The following EYS variants were observed in gnomAD, a reference collection of about 807,000 sequenced individuals.
The protein encoded by EYS is protein eyes shut homolog.
A neutral mutation model predicts 282.1 loss-of-function variants in EYS; 250 were observed. The observed-to-expected ratio is 0.89, with a 90% CI of 0.80 to 0.98. EYS has a LOEUF of 0.98. Among genes scored for constraint, EYS ranks in the 50% least tolerant of loss-of-function variants. EYS has a pLI of 0.00. For missense variants in EYS, 4,016 were observed against 3,709.0 expected (o/e 1.08, Z -2.15); for synonymous variants, 1,355 against 1,282.9 (o/e 1.06, Z -1.20).
At chr6:64,760,250 C>T (rs1403970702) in intron 22 of EYS, among the ~76,000 whole-genome samples, 2 of 152,088 alleles carry the variant, frequency 1.3e-5, no homozygotes, top group East Asian at 1.9e-4. Flanking sequence ...TAAAGCTTCT[C>T]CTCTCTTTGA....
rs189916118 is a variant in EYS at position 65,346,181 on chromosome 6, C to A, written c.1460-2004G>T. On this transcript the variant is annotated intron_variant, in intron 9 of 42. Coordinates refer to ENST00000503581, the MANE Select transcript of EYS (RefSeq NM_001142800.2). ...TGCAACCCTGTCATAGAGCTCCAGT[C>A]ATCATGGCCCATCCTTGTATGGTCA... Among the ~76,000 whole-genome samples the A allele has an allele frequency of 1.6e-3, 247 of 151,878 alleles. 1 individual carries two copies. Among genetic ancestry groups the A allele is most frequent in the African/African-American group, 5.7e-3 (237 of 41,494 alleles).
At chr6:65,658,805 A>C (rs1767908791) in intron 1 of EYS, among the ~76,000 whole-genome samples, 1 of 151,704 alleles carries the variant, frequency 6.6e-6, no homozygotes, top group Non-Finnish European at 1.5e-5. Flanking sequence ...CCCAACTCTA[A>C]GCACACTGGC....
At chr6:65,538,394 A>T (rs9363387) in intron 2 of EYS, among the ~76,000 whole-genome samples, 1 of 152,012 alleles carries the variant, frequency 6.6e-6, no homozygotes, top group East Asian at 1.9e-4. Context: ...TTATGCACAG[A>T]AAAAGATGGT....
At chr6:64,966,514 A>G (rs1770100469) in intron 14 of EYS, among the ~76,000 whole-genome samples, 3 of 152,196 alleles carry the variant, frequency 2.0e-5, no homozygotes, top group Admixed American at 2.0e-4. Flanking sequence ...TGTGAGGACG[A>G]AAACAGGTTA....
chr6:64,367,284 A>G (rs1213654693), intron 29 of EYS, among the ~76,000 whole-genome samples: 1 of 152,030 alleles, frequency 6.6e-6, no homozygotes, highest in Non-Finnish European at 1.5e-5. Flanking sequence ...CCCAAAATAG[A>G]AAGAAATGTG....
intron 13 of EYS, among the ~76,000 whole-genome samples, chr6:65,038,509 C>A (rs1772836420): frequency 6.6e-6 from 1 of 151,274 alleles, no homozygotes; most frequent in Non-Finnish European, 1.5e-5. Flanking sequence ...GTTTCCAAAT[C>A]TGGGTTACAA....
At chr6:63,982,207 T>C (rs1767132201) in intron 35 of EYS, among the ~76,000 whole-genome samples, 1 of 151,820 alleles carries the variant, frequency 6.6e-6, no homozygotes, top group Non-Finnish European at 1.5e-5. Flanking sequence ...TGAGAGTGTG[T>C]TAGTTTTCTA....
intron 5 of EYS, among the ~76,000 whole-genome samples, chr6:65,424,345 T>C (rs759929922): frequency 6.6e-6 from 1 of 152,068 alleles, no homozygotes; most frequent in Non-Finnish European, 1.5e-5. Flanking sequence ...TTATTTTCTT[T>C]AGTCTTACTC....
chr6:64,870,919 T>A (rs1766575704), intron 19 of EYS, among the ~76,000 whole-genome samples: 1 of 151,780 alleles, frequency 6.6e-6, no homozygotes, highest in African/African-American at 2.4e-5. Context: ...TGAAGAAAAG[T>A]GACCAAAGCC....
At chr6:65,150,886 T>C (rs1162766256) in intron 12 of EYS, among the ~76,000 whole-genome samples, 2 of 152,034 alleles carry the variant, frequency 1.3e-5, no homozygotes, top group Non-Finnish European at 2.9e-5. Flanking sequence ...TTGGTGTTCC[T>C]CTTTGTTTAG....
rs146114419 is a variant in EYS at position 64,178,538 on chromosome 6, A to G, written c.6424+52054T>C. Among the ~76,000 whole-genome samples the G allele has an allele frequency of 1.9e-4, 29 of 152,188 alleles. No individual in the cohort carries two copies. The East Asian group carries it at 5.6e-3, about 29-fold the overall frequency. On this transcript the variant is annotated intron_variant, in intron 31 of 42. Coordinates refer to ENST00000503581, the MANE Select transcript of EYS (RefSeq NM_001142800.2). ...TACATGCTTAACTCTACAGATGGAA[A>G]AGCGGGGGATGATAGACTTTAGCAC... is the stretch of plus-strand genomic sequence containing the variant.
At chr6:63,937,345 CTTTTTT>C (rs778809745) in intron 35 of EYS, among the ~76,000 whole-genome samples, 2 of 54,472 alleles carry the variant, frequency 3.7e-5, no homozygotes, top group African/African-American at 1.5e-4. Flanking sequence ...TCTCTCTTTT[CTTTTTT>C]TTTTTTTTTT....
intron 1 of EYS, among the ~76,000 whole-genome samples, chr6:65,663,861 C>CTT (rs1393753538): frequency 4.4e-5 from 4 of 90,862 alleles, no homozygotes; most frequent in Non-Finnish European, 9.6e-5. Context: ...TTTGTTTTTT[C>CTT]TTTTCTTTTT....
chr6:63,741,899 G>A, intron 41 of EYS: 1 of 702,244 alleles, frequency 1.4e-6, no homozygotes, highest in Non-Finnish European at 2.6e-6. Flanking sequence ...TTTGCTGTTT[G>A]TACTGGTCCT....
intron 29 of EYS, among the ~76,000 whole-genome samples, chr6:64,379,222 T>C (rs1772662835): frequency 6.6e-6 from 1 of 152,156 alleles, no homozygotes; most frequent in Admixed American, 6.5e-5. Context: ...TAAATTTCAC[T>C]AGAAAACTAT....
At chr6:64,699,188 T>C (rs1770694950) in intron 22 of EYS, among the ~76,000 whole-genome samples, 1 of 152,096 alleles carries the variant, frequency 6.6e-6, no homozygotes, top group Non-Finnish European at 1.5e-5. Context: ...TGGGTGGAGC[T>C]GGAGGCTTAT....
chr6:64,284,318 A>C (rs1768415576), intron 30 of EYS, among the ~76,000 whole-genome samples: 1 of 152,206 alleles, frequency 6.6e-6, no homozygotes, highest in Non-Finnish European at 1.5e-5. Flanking sequence ...CAGGACAGTC[A>C]AATTTTAAAG....
At chr6:65,193,560 G>T (rs780455638) in intron 12 of EYS, among the ~76,000 whole-genome samples, 45 of 151,786 alleles carry the variant, frequency 3.0e-4, no homozygotes, top group Non-Finnish European at 5.6e-4. Context: ...ATAAGAACAA[G>T]TTCTGTATAT....
At chr6:63,968,437 T>A (rs1766406954) in intron 35 of EYS, among the ~76,000 whole-genome samples, 1 of 152,030 alleles carries the variant, frequency 6.6e-6, no homozygotes, top group Non-Finnish European at 1.5e-5. Context: ...AATGCAGGGG[T>A]ATGTGTGGAA....
Sources: gnomAD v4.1 joint callset for allele counts (sites outside exome capture counted in the v4.1 genomes callset) on GRCh38, gnomAD v4.1.1 for gene constraint, MANE v1.5 for transcripts, NCBI Gene and HGNC (gene_info 2026-07-23, HGNC 2026-07-21) for gene names.